CTNNAL1: variants seen among roughly 807,000 people sequenced by gnomAD.
CTNNAL1 encodes catenin alpha like 1, also known as alpha-catulin.
In CTNNAL1, 69 loss-of-function variants were observed where a neutral mutation model predicts 93.6. The observed-to-expected ratio is 0.74, with a 90% CI of 0.61 to 0.90. The LOEUF is 0.90. CTNNAL1 is among the 40% of genes least tolerant of loss of function. The probability of loss-of-function intolerance (pLI) is 0.00; values close to 1 mark genes in which losing one functional copy is unlikely to be tolerated. For missense variants in CTNNAL1, 836 were observed against 862.0 expected (o/e 0.97, Z 0.38); for synonymous variants, 286 against 305.4 (o/e 0.94, Z 0.66).
rs117184215 is a variant in CTNNAL1 at position 108,968,241 on chromosome 9, A to G, written c.1440+2161T>C. Reference sequence around the variant, plus strand: ...CCAAAGCAGAGATATCCAGAAATAAATTATCCCAGAGGCATGCTCAATGTC... The same window carrying G: ...CCAAAGCAGAGATATCCAGAAATAAGTTATCCCAGAGGCATGCTCAATGTC... On this transcript the variant is annotated intron_variant, in intron 10 of 18. Coordinates refer to ENST00000325551, the MANE Select transcript of CTNNAL1 (RefSeq NM_003798.4). 3.3e-5 allele frequency among the ~76,000 whole-genome samples: 5 copies of G among 152,360 alleles called. No individual in the cohort carries two copies. The East Asian group carries it at 9.6e-4, about 29-fold the overall frequency.
At chr9:109,011,773 C>A (rs1271846808) in intron 1 of CTNNAL1, among the ~76,000 whole-genome samples, 2 of 152,162 alleles carry the variant, frequency 1.3e-5, no homozygotes, top group African/African-American at 4.8e-5. Flanking sequence ...TCTCCCATAC[C>A]ACGAGAATAT....
chr9:108,990,712 T>A lies in CTNNAL1; in HGVS notation c.639+14A>T. ...GTATTTATCTGAAGATTGTAAAATG[T>A]GATGAATACATACATTTTGTCTATC... On this transcript the variant is annotated intron_variant, in intron 4 of 18. Transcript: ENST00000325551. 1.2e-6 allele frequency: 2 copies of A among 1,607,214 alleles called. No individual in the cohort carries two copies. Among genetic ancestry groups the A allele is most frequent in the Non-Finnish European group, 1.7e-6 (2 of 1,177,558 alleles).
At position 108,942,749 on chromosome 9, in the gene CTNNAL1, G is replaced by A. The variant is rs1461689678; in HGVS notation, c.*20C>T. The A allele has an allele frequency of 6.8e-7, 1 of 1,478,758 alleles. No individual in the cohort carries two copies. The highest frequency in any genetic ancestry group is 1.7e-5 in the Admixed American group (1 of 58,852). The allele number at this position is 1,478,758 out of a possible 1,614,324, so 91.6% of individuals were successfully genotyped here. On this transcript the variant is annotated 3_prime_UTR_variant, in exon 19 of 19. Transcript: ENST00000325551. ...CAGCTTCATCACATGATGTTCCAGA[G>A]ATCTGACCCCAAAAGCTTCTCAAGT...
At chr9:108,962,714 CTA>C (rs1187923655) in intron 11 of CTNNAL1, among the ~76,000 whole-genome samples, 3 of 152,088 alleles carry the variant, frequency 2.0e-5, no homozygotes, top group African/African-American at 7.2e-5. Flanking sequence ...TTCTCATAAA[CTA>C]TTTAGTTTTA....
chr9:108,943,559 T>C, intron 17 of CTNNAL1, 144 bp downstream of exon 17: 1 of 659,978 alleles, frequency 1.5e-6, no homozygotes, highest in East Asian at 2.8e-5. Context: ...GTTATGAGAG[T>C]AGATAATAAA....
rs1248434872 is a variant in CTNNAL1, at chr9:108,946,814, T to C, written c.1884+1372A>G. Among the ~76,000 whole-genome samples, 3 of 152,304 alleles carry C rather than the reference T, an allele frequency of 2.0e-5. No homozygotes were observed. In the East Asian group the frequency reaches 5.8e-4, roughly 29 times the overall value. ...CAGTTTGGAGACAATTCATTGAACA[T>C]TGATTTAATGACTAAGCTCACATAG... On this transcript the variant is annotated intron_variant, in intron 15 of 18. Transcript: ENST00000325551.
chr9:109,000,045 CAAG>C (rs1269162620), intron 1 of CTNNAL1, among the ~76,000 whole-genome samples: 2 of 152,268 alleles, frequency 1.3e-5, no homozygotes, highest in African/African-American at 2.4e-5. Flanking sequence ...AAGAGAATTA[CAAG>C]AAGGGGAAGA....
At chr9:108,947,591 A>C (rs2132083218) in intron 15 of CTNNAL1, among the ~76,000 whole-genome samples, 1 of 152,338 alleles carries the variant, frequency 6.6e-6, no homozygotes, top group South Asian at 2.1e-4. Context: ...CCCACTTGCC[A>C]ATCTAAAGCC....
At chr9:108,970,556 C>T (rs1453099736) in intron 9 of CTNNAL1, 62 bp from the exon 10 acceptor site, 3 of 1,375,222 alleles carry the variant, frequency 2.2e-6, no homozygotes, top group Non-Finnish European at 2.9e-6. Flanking sequence ...TACATAGTAT[C>T]ATTTTATAAT....
chr9:109,010,428 G>A (rs1459832047), intron 1 of CTNNAL1, among the ~76,000 whole-genome samples: 2 of 152,120 alleles, frequency 1.3e-5, no homozygotes, highest in Non-Finnish European at 2.9e-5. Context: ...GTGCAGTGCT[G>A]AGTAGAAGCA....
At chr9:109,004,346 T>A (rs571719796) in intron 1 of CTNNAL1, among the ~76,000 whole-genome samples, 67 of 152,124 alleles carry the variant, frequency 4.4e-4, no homozygotes, top group African/African-American at 1.5e-3. Flanking sequence ...AATTGGAAAA[T>A]GGGGGTAATA....
At chr9:108,962,638 A>G (rs1286388867) in intron 11 of CTNNAL1, among the ~76,000 whole-genome samples, 1 of 152,218 alleles carries the variant, frequency 6.6e-6, no homozygotes, top group Non-Finnish European at 1.5e-5. Flanking sequence ...GAAAGGACAT[A>G]GGGAGAGATG....
At chr9:108,999,291 A>G (rs760645937) in intron 1 of CTNNAL1, 35 bp from the exon 2 acceptor site, 1 of 1,558,406 alleles carries the variant, frequency 6.4e-7, no homozygotes, top group South Asian at 1.2e-5. Context: ...TTTTATCTCA[A>G]TACCTTTTCT....
Position 109,013,481 on chromosome 9 carries a change from G to A in CTNNAL1, c.-39C>T, listed in dbSNP as rs1827284445. 1.5e-6 allele frequency: 2 copies of A among 1,323,424 alleles called. No homozygotes were observed. The highest frequency in any genetic ancestry group is 1.9e-6 in the Non-Finnish European group (2 of 1,031,596). The allele number at this position is 1,323,424 out of a possible 1,614,324, so 82.0% of individuals were successfully genotyped here. A position where few individuals can be genotyped will look rare whatever the true frequency, so the allele number is the denominator to read the frequency against. ...TCCCGCAGCCGGGACTCCGCGCCGCGGCGAGCCTGCCGCCAGTCAGCCCAC... is the reference window on the plus strand; with the variant it reads ...TCCCGCAGCCGGGACTCCGCGCCGCAGCGAGCCTGCCGCCAGTCAGCCCAC... On this transcript the variant is annotated 5_prime_UTR_variant, in exon 1 of 19. Coordinates refer to ENST00000325551, the MANE Select transcript of CTNNAL1 (RefSeq NM_003798.4).
At chr9:109,004,286 G>A (rs16936339) in intron 1 of CTNNAL1, among the ~76,000 whole-genome samples, 8,789 of 152,084 alleles carry the variant, frequency 0.058, 867 homozygotes, top group African/African-American at 0.2. Flanking sequence ...CTATAATGTC[G>A]TACAACAATC....
intron 4 of CTNNAL1, among the ~76,000 whole-genome samples, chr9:108,990,133 G>T (rs953417202): frequency 6.6e-6 from 1 of 152,174 alleles, no homozygotes; most frequent in Non-Finnish European, 1.5e-5. Context: ...AGATATAACT[G>T]AGTTCGATCT....
intron 14 of CTNNAL1, 33 bp downstream of exon 14, chr9:108,952,176 T>A: frequency 1.9e-6 from 3 of 1,563,986 alleles, no homozygotes; most frequent in Non-Finnish European, 2.6e-6. Flanking sequence ...ATCATTATAC[T>A]GATTTAAAAA....
chr9:108,959,028 C>T (rs746740373), intron 11 of CTNNAL1, among the ~76,000 whole-genome samples: 5 of 151,170 alleles, frequency 3.3e-5, no homozygotes, highest in Non-Finnish European at 5.9e-5. Flanking sequence ...CTTTGGGAGG[C>T]CAATGCGGGA....
intron 12 of CTNNAL1, 22 bp downstream of exon 12, chr9:108,955,768 T>G: frequency 6.3e-7 from 1 of 1,587,940 alleles, no homozygotes; most frequent in Middle Eastern, 1.7e-4. Flanking sequence ...CATTCTGCAA[T>G]GTACATAATT....
Sources: gnomAD v4.1 joint callset for allele counts (sites outside exome capture counted in the v4.1 genomes callset) on GRCh38, gnomAD v4.1.1 for gene constraint, MANE v1.5 for transcripts, NCBI Gene and HGNC (gene_info 2026-07-23, HGNC 2026-07-21) for gene names.